Variants in NFATC2 observed in about 807,000 individuals in gnomAD.
The protein encoded by NFATC2 is nuclear factor of activated T cells 2, also known as nuclear factor of activated T-cells, cytoplasmic 2.
In NFATC2, 22 loss-of-function variants were observed where a neutral mutation model predicts 87.3. That is an observed-to-expected ratio of 0.25 (90% CI 0.18 to 0.36). The LOEUF is 0.36. NFATC2 is among the 10% of genes least tolerant of loss of function. The probability of loss-of-function intolerance (pLI) is 1.00; values close to 1 mark genes in which losing one functional copy is unlikely to be tolerated. For synonymous variants in NFATC2, 565 were observed against 542.2 expected (o/e 1.04, Z -0.58); for missense variants, 1,149 against 1,259.1 (o/e 0.91, Z 1.32).
Position 51,431,789 on chromosome 20 carries a change from T to TG in NFATC2, c.2722+277dup, listed in dbSNP as rs567505696. Among the ~76,000 whole-genome samples, 534 of 151,740 alleles carry TG rather than the reference T, an allele frequency of 3.5e-3. 4 individuals carry two copies. Among genetic ancestry groups the TG allele is most frequent in the Non-Finnish European group, 6.1e-3 (417 of 67,832 alleles). On this transcript the variant is annotated intron_variant, in intron 9 of 10. Coordinates refer to ENST00000371564, the MANE Select transcript of NFATC2 (RefSeq NM_012340.5). ...TGGACCCAGTTCATGACCCAGGGGA[T>TG]GCCGGGTTGCCCTCATTTGCTTTTT...
At chr20:51,445,411 G>A (rs79193483) in intron 6 of NFATC2, among the ~76,000 whole-genome samples, 1 of 152,150 alleles carries the variant, frequency 6.6e-6, no homozygotes, top group Non-Finnish European at 1.5e-5. Context: ...TCCAGCAAGA[G>A]CTCCCTGACT....
intron 9 of NFATC2, among the ~76,000 whole-genome samples, chr20:51,426,145 A>T (rs1313634796): frequency 1.3e-5 from 2 of 152,204 alleles, no homozygotes; most frequent in Admixed American, 6.5e-5. Context: ...ATAGATTTTT[A>T]AAATTTGAAC....
chr20:51,517,029 G>T, intron 2 of NFATC2, 74 bp from the exon 3 acceptor site: 3 of 1,423,768 alleles, frequency 2.1e-6, no homozygotes, highest in Non-Finnish European at 2.9e-6. Flanking sequence ...ATTGTAAACG[G>T]CCCTTTCTGA....
intron 6 of NFATC2, among the ~76,000 whole-genome samples, chr20:51,442,847 T>C (rs1024263282): frequency 2.6e-5 from 4 of 151,878 alleles, no homozygotes; most frequent in African/African-American, 9.7e-5. Context: ...GGCACAGCTG[T>C]ACCCCAGGCC....
chr20:51,414,576 C>A (rs533984904), intron 9 of NFATC2, among the ~76,000 whole-genome samples: 7 of 152,196 alleles, frequency 4.6e-5, no homozygotes, highest in African/African-American at 1.4e-4. Flanking sequence ...ATAATCCCAG[C>A]TACTTGGGAG....
intron 5 of NFATC2, among the ~76,000 whole-genome samples, chr20:51,472,216 C>T (rs369072419): frequency 1.2e-4 from 19 of 152,232 alleles, no homozygotes; most frequent in East Asian, 5.8e-4. Flanking sequence ...GATCGCACCA[C>T]GGCACTCCAG....
intron 9 of NFATC2, among the ~76,000 whole-genome samples, chr20:51,427,926 C>G (rs1310543812): frequency 6.6e-6 from 1 of 152,224 alleles, no homozygotes; most frequent in Non-Finnish European, 1.5e-5. Flanking sequence ...GTCTCGCTTA[C>G]CTACTAAACA....
In NFATC2 at chr20:51,558,063, G is replaced by A. The variant is rs60800965; in HGVS notation, c.70+4497C>T. Among the ~76,000 whole-genome samples the A allele has an allele frequency of 1.8e-3, 273 of 152,284 alleles. 2 individuals are homozygous for A. The highest frequency in any genetic ancestry group is 5.6e-3 in the African/African-American group (232 of 41,548). On this transcript the variant is annotated intron_variant, in intron 1 of 10. Transcript: ENST00000414705. Reference sequence around the variant, plus strand: ...AAGGAACAAAAATAGGAACCTGGCCGGCCATGGTAGCTCATGCCTGTAAAC... The same window carrying A: ...AAGGAACAAAAATAGGAACCTGGCCAGCCATGGTAGCTCATGCCTGTAAAC...
At position 51,500,712 on chromosome 20, in the gene NFATC2, A is replaced by ACCCCCACCCCCGC. The variant is rs2076069735; in HGVS notation, c.1332+16071_1332+16072insGCGGGGGTGGGGG. On this transcript the variant is annotated intron_variant, in intron 3 of 10. Transcript: ENST00000371564. ...CCCACCTCCACACTCACCACCCCGC[A>ACCCCCACCCCCGC]CCTCTACCCTCGCCCTCACCCTCAC... Among the ~76,000 whole-genome samples, 2 of 25,448 alleles carry ACCCCCACCCCCGC rather than the reference A, an allele frequency of 7.9e-5. 1 individual carries two copies. The highest frequency in any genetic ancestry group is 3.6e-4 in the African/African-American group (2 of 5,548). 16.7% of individuals were successfully genotyped at this position (25,448 alleles called of 152,430 possible). A position where few individuals can be genotyped will look rare whatever the true frequency, so the allele number is the denominator to read the frequency against.
intron 1 of NFATC2, among the ~76,000 whole-genome samples, chr20:51,536,005 A>T (rs899363120): frequency 6.6e-6 from 1 of 152,228 alleles, no homozygotes; most frequent in Non-Finnish European, 1.5e-5. Context: ...GGGAAAAAGC[A>T]TTAAAGATTC....
chr20:51,486,126 G>T (rs188934246), intron 3 of NFATC2, among the ~76,000 whole-genome samples: 1 of 151,936 alleles, frequency 6.6e-6, no homozygotes, highest in African/African-American at 2.4e-5. Context: ...CATGAGAATC[G>T]CTTGAACCCG....
At chr20:51,544,202 A>T (rs111955401), upstream of NFATC2, among the ~76,000 whole-genome samples, 57 of 151,690 alleles carry the variant, frequency 3.8e-4, no homozygotes, top group South Asian at 0.011. Flanking sequence ...TTAGCCAGGA[A>T]GGTCTTGATC....
intron 9 of NFATC2, among the ~76,000 whole-genome samples, chr20:51,400,991 C>CACTTCAACA (rs1043696995): frequency 7.9e-5 from 12 of 151,946 alleles, no homozygotes; most frequent in African/African-American, 2.9e-4. Flanking sequence ...GGAACATAAG[C>CACTTCAACA]ACTTCAACAG....
chr20:51,431,421 T>TCA (rs368717389), intron 9 of NFATC2, among the ~76,000 whole-genome samples: 30 of 152,234 alleles, frequency 2.0e-4, no homozygotes, highest in African/African-American at 7.0e-4. Flanking sequence ...ACCTACAGAC[T>TCA]CACACAAAGC....
At chr20:51,403,233 G>A (rs1275516991) in intron 9 of NFATC2, among the ~76,000 whole-genome samples, 1 of 152,226 alleles carries the variant, frequency 6.6e-6, no homozygotes, top group African/African-American at 2.4e-5. Flanking sequence ...TCACAGGCAA[G>A]AGAAGCCACT....
rs764462224 is a variant in NFATC2 at position 51,523,071 on chromosome 20, C to A, written c.1160+10G>T. ...ACCACAGAATCAATCATTTTCAAAG[C>A]CCTGCTCACCTGCAGATGGGAATGG... On this transcript the variant is annotated intron_variant, in intron 2 of 10. Transcript: ENST00000371564. This position sits in a 1 kb window ranked among gnomAD's most constrained non-coding sequence, Gnocchi z 6.9. The A allele has an allele frequency of 1.9e-6, 3 of 1,614,062 alleles. No individual in the cohort carries two copies. The highest frequency in any genetic ancestry group is 2.2e-5 in the East Asian group (1 of 44,880).
At chr20:51,533,708 A>T (rs747193308) in intron 1 of NFATC2, among the ~76,000 whole-genome samples, 1 of 152,376 alleles carries the variant, frequency 6.6e-6, no homozygotes, top group African/African-American at 2.4e-5. Flanking sequence ...GGCTGCCGCA[A>T]GGCCAGGCGC....
intron 9 of NFATC2, among the ~76,000 whole-genome samples, chr20:51,426,072 G>C (rs1013320328): frequency 6.6e-6 from 1 of 152,190 alleles, no homozygotes; most frequent in African/African-American, 2.4e-5. Context: ...GGAAGAAGCA[G>C]GGCATGAGGG....
At chr20:51,498,074 G>A (rs2076018500) in intron 3 of NFATC2, among the ~76,000 whole-genome samples, 2 of 152,034 alleles carry the variant, frequency 1.3e-5, no homozygotes, top group Non-Finnish European at 2.9e-5. Context: ...GGCCTCAAGC[G>A]AGCCCAATTC....
Sources: gnomAD v4.1 joint callset for allele counts (sites outside exome capture counted in the v4.1 genomes callset) on GRCh38, gnomAD v4.1.1 for gene constraint, Gnocchi (gnomAD v3.1) non-coding constraint, MANE v1.5 for transcripts, NCBI Gene and HGNC (gene_info 2026-07-23, HGNC 2026-07-21) for gene names.